NIPA2: variants seen among roughly 807,000 people sequenced by gnomAD.
NIPA2 encodes magnesium transporter NIPA2.
A neutral mutation model predicts 29.7 loss-of-function variants in NIPA2; 11 were observed. The observed-to-expected ratio is 0.37, with a 90% CI of 0.23 to 0.61. The LOEUF is 0.61. Ranked by LOEUF, NIPA2 falls within the 20% of genes least tolerant of loss-of-function variation. NIPA2 has a pLI of 0.66. For missense variants in NIPA2, 426 were observed against 437.9 expected (o/e 0.97, Z 0.24); for synonymous variants, 183 against 161.9 (o/e 1.13, Z -0.99).
chr15:22,850,439 T>C (rs1302121366), intron 3 of NIPA2, among the ~76,000 whole-genome samples: 2 of 152,310 alleles, frequency 1.3e-5, no homozygotes, highest in African/African-American at 4.8e-5. Context: ...GTCTTCTCAT[T>C]GAATCATACA....
chr15:22,861,871 A>G (rs2141504100), intron 7 of NIPA2, among the ~76,000 whole-genome samples: 1 of 152,076 alleles, frequency 6.6e-6, no homozygotes, highest in Non-Finnish European at 1.5e-5. Flanking sequence ...AGTAGCTGGG[A>G]CTGCAGGCGT....
intron 2 of NIPA2, among the ~76,000 whole-genome samples, chr15:22,843,129 A>G (rs938563328): frequency 1.3e-5 from 2 of 152,108 alleles, no homozygotes; most frequent in Non-Finnish European, 2.9e-5. Context: ...TCTTCAGCAG[A>G]AGGCTGAGAT....
In NIPA2 at chr15:22,866,883, T is replaced by G. The variant is rs186784594; in HGVS notation, c.*36T>G. On this transcript the variant is annotated 3_prime_UTR_variant, in exon 8 of 8. Coordinates refer to ENST00000337451, the MANE Select transcript of NIPA2 (RefSeq NM_030922.7). ...ATTAAAGGTTAATCTGTGATTGTTA[T>G]GAAGTGAATTTGAATATCATCAGAA... The G allele has an allele frequency of 2.6e-6, 4 of 1,519,414 alleles. No individual in the cohort carries two copies. The highest frequency in any genetic ancestry group is 2.1e-5 in the Admixed American group (1 of 47,906). 94.1% of individuals were successfully genotyped at this position (1,519,414 alleles called of 1,614,324 possible).
intron 1 of NIPA2, 45 bp from the exon 2 acceptor site, chr15:22,839,610 G>A (rs1896466110): frequency 6.6e-6 from 1 of 152,166 alleles, no homozygotes; most frequent in African/African-American, 2.4e-5. Context: ...AACGTACTTA[G>A]TAACTTTAAG....
intron 5 of NIPA2, among the ~76,000 whole-genome samples, chr15:22,854,842 T>A (rs2058064625): frequency 6.6e-6 from 1 of 152,204 alleles, no homozygotes; most frequent in Non-Finnish European, 1.5e-5. Flanking sequence ...GTCTTTCTAT[T>A]TGTCGTACCC....
At chr15:22,851,603 T>C in intron 3 of NIPA2, 36 bp from the exon 4 acceptor site, 1 of 686,492 alleles carries the variant, frequency 1.5e-6, no homozygotes, top group Non-Finnish European at 2.3e-6. Context: ...GTCATGAGCA[T>C]TCTGTGAAAA....
chr15:22,864,007 G>A (rs551044545), intron 7 of NIPA2, among the ~76,000 whole-genome samples: 53 of 152,172 alleles, frequency 3.5e-4, no homozygotes, highest in African/African-American at 1.3e-3. Flanking sequence ...ATTAATAATA[G>A]TTTTTCTTGC....
intron 7 of NIPA2, among the ~76,000 whole-genome samples, chr15:22,861,844 C>T (rs1452043342): frequency 6.6e-6 from 1 of 152,104 alleles, no homozygotes; most frequent in Non-Finnish European, 1.5e-5. Flanking sequence ...AAGCGATTCT[C>T]CCATCTCAGC....
chr15:22,848,943 C>T (rs997713510), intron 3 of NIPA2, among the ~76,000 whole-genome samples: 1 of 150,912 alleles, frequency 6.6e-6, no homozygotes, highest in Non-Finnish European at 1.5e-5. Context: ...GCTAAAAGGG[C>T]GAATATCATG....
rs888876526 is a variant in NIPA2 at position 22,867,296 on chromosome 15, G to A, written c.*449G>A. The A allele has an allele frequency of 2.5e-5, 10 of 398,084 alleles. No individual in the cohort carries two copies. The highest frequency in any genetic ancestry group is 2.1e-4 in the African/African-American group (10 of 48,506). 24.7% of individuals were successfully genotyped at this position (398,084 alleles called of 1,614,324 possible). A position where few individuals can be genotyped will look rare whatever the true frequency, so the allele number is the denominator to read the frequency against. ...GTGATTTACCTTACCTACAAAAGTG[G>A]CTCCTGTTTGTTTGATGATGATTGG... On this transcript the variant is annotated 3_prime_UTR_variant, in exon 8 of 8. Transcript: ENST00000337451.
Position 22,840,303 on chromosome 15 carries a change from T to G in NIPA2, c.-216+513T>G, listed in dbSNP as rs577209791. Reference sequence around the variant, plus strand: ...GCTCTATATATAGTTTTTTTTTTTGTTTTTTTTTTTTTGAGATGGAATCTT... The same window carrying G: ...GCTCTATATATAGTTTTTTTTTTTGGTTTTTTTTTTTTGAGATGGAATCTT... On this transcript the variant is annotated intron_variant, in intron 2 of 7. Coordinates refer to ENST00000337451, the MANE Select transcript of NIPA2 (RefSeq NM_030922.7). Among the ~76,000 whole-genome samples, 40 of 97,012 alleles carry G rather than the reference T, an allele frequency of 4.1e-4. 1 individual carries two copies. Among genetic ancestry groups the G allele is most frequent in the Non-Finnish European group, 5.9e-4 (27 of 45,448 alleles). 63.6% of individuals were successfully genotyped at this position (97,012 alleles called of 152,430 possible). A position where few individuals can be genotyped will look rare whatever the true frequency, so the allele number is the denominator to read the frequency against.
intron 7 of NIPA2, among the ~76,000 whole-genome samples, chr15:22,865,768 T>A (rs893976051): frequency 6.7e-6 from 1 of 149,866 alleles, no homozygotes; most frequent in African/African-American, 2.4e-5. Flanking sequence ...ACTCCAGCAG[T>A]TGTCCACAAA....
chr15:22,851,724 C>G lies in NIPA2; in HGVS notation c.-8C>G. The stretch of plus-strand genomic sequence containing the variant: ...TGATTCACAGGAACTCCTTAAGTAA[C>G]AAACGAAATGAGCCAGGGGCGTGGA... On this transcript the variant is annotated 5_prime_UTR_variant, in exon 4 of 8. Coordinates refer to ENST00000337451, the MANE Select transcript of NIPA2 (RefSeq NM_030922.7). 2 of 1,604,796 alleles carry G rather than the reference C, an allele frequency of 1.2e-6. No individual in the cohort carries two copies. The highest frequency in any genetic ancestry group is 3.5e-5 in the Admixed American group (2 of 57,572).
chr15:22,847,908 C>T (rs1267172315), intron 3 of NIPA2, among the ~76,000 whole-genome samples: 1 of 152,174 alleles, frequency 6.6e-6, no homozygotes, highest in East Asian at 1.9e-4. Context: ...GGCAATTCTC[C>T]TGCCTCAGCC....
At chr15:22,864,157 TTTC>T (rs1382981308) in intron 7 of NIPA2, among the ~76,000 whole-genome samples, 4 of 152,048 alleles carry the variant, frequency 2.6e-5, no homozygotes, top group African/African-American at 9.7e-5. Context: ...TTTGGCTATC[TTTC>T]TTTTTATTTT....
intron 5 of NIPA2, among the ~76,000 whole-genome samples, chr15:22,854,320 T>G (rs1433310168): frequency 6.8e-6 from 1 of 146,490 alleles, no homozygotes; most frequent in Admixed American, 6.9e-5. Flanking sequence ...AGGGAAGGGG[T>G]TTCACCATGT....
At chr15:22,847,269 A>C (rs1899015757) in intron 3 of NIPA2, among the ~76,000 whole-genome samples, 1 of 151,970 alleles carries the variant, frequency 6.6e-6, no homozygotes, top group African/African-American at 2.4e-5. Context: ...TCTGGATATC[A>C]TCTTTATTGG....
At chr15:22,842,895 C>T (rs543227037) in intron 2 of NIPA2, among the ~76,000 whole-genome samples, 3 of 148,382 alleles carry the variant, frequency 2.0e-5, no homozygotes, top group Non-Finnish European at 3.0e-5. Flanking sequence ...CCCAGCTACT[C>T]GGGAGGCAGA....
chr15:22,843,541 T>C (rs914705065), intron 2 of NIPA2, among the ~76,000 whole-genome samples: 2 of 152,098 alleles, frequency 1.3e-5, no homozygotes, highest in Non-Finnish European at 2.9e-5. Context: ...TGGTTCCTCA[T>C]TGTGGGCCCT....
Sources: allele counts gnomAD v4.1 joint callset (sites outside exome capture counted in the v4.1 genomes callset), GRCh38; gene constraint gnomAD v4.1.1; transcripts MANE v1.5; gene names NCBI Gene and HGNC (gene_info 2026-07-23, HGNC 2026-07-21).